FAT3: variants seen among roughly 807,000 people sequenced by gnomAD.
FAT3 encodes the protein FAT atypical cadherin 3.
A neutral mutation model predicts 310.2 loss-of-function variants in FAT3; 95 were observed. The ratio of observed to expected loss-of-function variants is 0.31; its 90% CI spans 0.26 to 0.36. The LOEUF (loss-of-function observed/expected upper bound fraction) is 0.36. Ranked by LOEUF, FAT3 falls within the 10% of genes least tolerant of loss-of-function variation. FAT3 has a pLI of 1.00. For synonymous variants in FAT3, 2,314 were observed against 2,192.9 expected (o/e 1.06, Z -1.54); for missense variants, 5,408 against 5,715.6 (o/e 0.95, Z 1.74).
intron 1 of FAT3, among the ~76,000 whole-genome samples, chr11:92,273,599 G>T (rs757590689): frequency 4.6e-5 from 7 of 152,068 alleles, no homozygotes; most frequent in Non-Finnish European, 1.0e-4. Flanking sequence ...GGCAAATGAA[G>T]TTGTTACAGA....
chr11:92,806,049 G>A (rs1355604623), intron 11 of FAT3, among the ~76,000 whole-genome samples: 2 of 152,300 alleles, frequency 1.3e-5, no homozygotes, highest in African/African-American at 4.8e-5. Flanking sequence ...TGGTCAATGT[G>A]TGGTGTGTGT....
At chr11:92,295,917 C>A (rs1186321598) in intron 1 of FAT3, among the ~76,000 whole-genome samples, 2 of 152,090 alleles carry the variant, frequency 1.3e-5, no homozygotes, top group African/African-American at 4.8e-5. Flanking sequence ...CAATGTATAA[C>A]CTTGGAGAAC....
At chr11:92,764,444 C>T (rs1946251560) in intron 5 of FAT3, among the ~76,000 whole-genome samples, 1 of 152,168 alleles carries the variant, frequency 6.6e-6, no homozygotes, top group Non-Finnish European at 1.5e-5. Flanking sequence ...TGCACACACA[C>T]ACTTCTGCAC....
intron 3 of FAT3, among the ~76,000 whole-genome samples, chr11:92,578,653 C>A (rs992523738): frequency 6.6e-6 from 1 of 152,054 alleles, no homozygotes; most frequent in Admixed American, 6.6e-5. Flanking sequence ...CAGCGAAGAG[C>A]GTGGAAAAAG....
intron 12 of FAT3, among the ~76,000 whole-genome samples, chr11:92,807,872 A>G (rs1947550515): frequency 6.6e-6 from 1 of 152,198 alleles, no homozygotes; most frequent in Non-Finnish European, 1.5e-5. Flanking sequence ...TTTGTAGATT[A>G]GATGACCCAT....
At chr11:92,349,039 T>C (rs34873048) in intron 1 of FAT3, among the ~76,000 whole-genome samples, 9,588 of 152,176 alleles carry the variant, frequency 0.063, 463 homozygotes, top group African/African-American at 0.13. Flanking sequence ...GGGGGCAGAC[T>C]CAGAAAAGTT....
At chr11:92,254,553 G>A (rs946962236) in intron 1 of FAT3, among the ~76,000 whole-genome samples, 1 of 152,228 alleles carries the variant, frequency 6.6e-6, no homozygotes, top group Middle Eastern at 3.4e-3. Flanking sequence ...AGGTAGTGGG[G>A]AGACTTGGAT....
intron 4 of FAT3, among the ~76,000 whole-genome samples, chr11:92,736,025 A>C (rs534423427): frequency 2.6e-5 from 4 of 152,270 alleles, no homozygotes; most frequent in African/African-American, 9.6e-5. Flanking sequence ...TCTTATGGCA[A>C]ACCTGTCTGA....
At chr11:92,649,895 A>ATATG (rs1942311535) in intron 3 of FAT3, among the ~76,000 whole-genome samples, 1 of 64,804 alleles carries the variant, frequency 1.5e-5, no homozygotes, top group South Asian at 3.5e-4. Flanking sequence ...ATATATATAT[A>ATATG]TATATATATA....
At chr11:92,332,238 T>TC (rs1947941023) in intron 1 of FAT3, among the ~76,000 whole-genome samples, 1 of 152,226 alleles carries the variant, frequency 6.6e-6, no homozygotes, top group Non-Finnish European at 1.5e-5. Context: ...CTTTCCCACA[T>TC]CTGTGTTTTT....
rs563108305 is a variant in FAT3 at position 92,439,198 on chromosome 11, G to A, written c.3292+83794G>A. On this transcript the variant is annotated intron_variant, in intron 2 of 27. Transcript: ENST00000525166. ...GTTGTTGCACAAATATTAACAGAAG[G>A]CCACAAAGTAATATAAAAAAACCCA... 3.3e-5 allele frequency among the ~76,000 whole-genome samples: 5 copies of A among 152,060 alleles called. No homozygotes were observed. In the East Asian group the frequency reaches 5.8e-4, roughly 18 times the overall value.
chr11:92,344,065 T>C (rs1195105498), intron 1 of FAT3, among the ~76,000 whole-genome samples: 1 of 152,184 alleles, frequency 6.6e-6, no homozygotes, highest in Non-Finnish European at 1.5e-5. Flanking sequence ...TTACATAGCA[T>C]GATTGTGCAT....
At chr11:92,281,214 ACT>A (rs1434954495) in intron 1 of FAT3, among the ~76,000 whole-genome samples, 3 of 152,090 alleles carry the variant, frequency 2.0e-5, no homozygotes, top group African/African-American at 7.2e-5. Flanking sequence ...TTTGTACATT[ACT>A]CTCTGTATGT....
intron 7 of FAT3, among the ~76,000 whole-genome samples, chr11:92,781,709 G>A (rs561461395): frequency 1.4e-4 from 22 of 152,142 alleles, no homozygotes; most frequent in Non-Finnish European, 2.8e-4. Context: ...GTCACTTTGA[G>A]ACTCAGTTTC....
chr11:92,849,173 A>G (rs1472112642), intron 19 of FAT3, among the ~76,000 whole-genome samples: 20 of 152,244 alleles, frequency 1.3e-4, no homozygotes, highest in Admixed American at 1.2e-3. Context: ...CTACAGAGCT[A>G]GTCAATGACA....
At chr11:92,339,521 A>G (rs1948184924) in intron 1 of FAT3, among the ~76,000 whole-genome samples, 1 of 152,234 alleles carries the variant, frequency 6.6e-6, no homozygotes, top group Non-Finnish European at 1.5e-5. Context: ...AACAGATATT[A>G]GTCAAATAGT....
intron 1 of FAT3, among the ~76,000 whole-genome samples, chr11:92,268,625 A>G (rs1252077867): frequency 6.6e-6 from 1 of 152,158 alleles, no homozygotes; most frequent in Non-Finnish European, 1.5e-5. Context: ...ACTTAATTTT[A>G]ATCTCTGGTT....
At chr11:92,465,115 G>A (rs1401761970) in intron 2 of FAT3, among the ~76,000 whole-genome samples, 2 of 152,156 alleles carry the variant, frequency 1.3e-5, no homozygotes, top group East Asian at 1.9e-4. Context: ...AATATTTGCA[G>A]CCGGGGTACA....
chr11:92,871,627 C>T (rs994153406), intron 22 of FAT3, among the ~76,000 whole-genome samples: 2 of 152,112 alleles, frequency 1.3e-5, no homozygotes, highest in Non-Finnish European at 2.9e-5. Flanking sequence ...ATTTACTTGC[C>T]TCCAGTATTT....
Sources: gnomAD v4.1 joint callset for allele counts (sites outside exome capture counted in the v4.1 genomes callset) on GRCh38, gnomAD v4.1.1 for gene constraint, MANE v1.5 for transcripts, NCBI Gene and HGNC (gene_info 2026-07-23, HGNC 2026-07-21) for gene names.